The following GSAP variants were observed in gnomAD, a reference collection of about 807,000 sequenced individuals.
The protein encoded by GSAP is gamma-secretase-activating protein.
In GSAP, 118 loss-of-function variants were observed where a neutral mutation model predicts 131.7. The ratio of observed to expected loss-of-function variants is 0.90; its 90% CI spans 0.77 to 1.04. The LOEUF (loss-of-function observed/expected upper bound fraction) is 1.04. GSAP is among the 50% of genes least tolerant of loss of function. The pLI is 0.00. For missense variants in GSAP, 1,019 were observed against 1,013.2 expected (o/e 1.01, Z -0.08); for synonymous variants, 381 against 363.4 (o/e 1.05, Z -0.55).
At chr7:77,321,897 GTCC>G (rs1457834016) in intron 24 of GSAP, among the ~76,000 whole-genome samples, 1 of 152,202 alleles carries the variant, frequency 6.6e-6, no homozygotes, top group Non-Finnish European at 1.5e-5. Flanking sequence ...AAATTGCAGT[GTCC>G]TCATCTGTAA....
rs778317248 is a variant in GSAP at position 77,397,303 on chromosome 7, TG to T, written c.313+42del. The T allele has an allele frequency of 5.3e-6, 6 of 1,132,598 alleles. No individual in the cohort carries two copies. The Admixed American group carries it at 6.2e-5, about 12-fold the overall frequency. 70.2% of individuals were successfully genotyped at this position (1,132,598 alleles called of 1,614,324 possible). ...CTAATACTTTGAAACTCTTGAAAGATGTAGTTCAGTTCTTGACATGTAGCAA... is the reference window on the plus strand; with the variant it reads ...CTAATACTTTGAAACTCTTGAAAGATTAGTTCAGTTCTTGACATGTAGCAA... On this transcript the variant is annotated intron_variant, in intron 4 of 30. Transcript: ENST00000257626.
intron 6 of GSAP, among the ~76,000 whole-genome samples, chr7:77,386,016 A>G (rs1331430850): frequency 6.6e-6 from 1 of 152,158 alleles, no homozygotes; most frequent in African/African-American, 2.4e-5. Context: ...CTGTAAAGTC[A>G]CCACAAATGT....
At chr7:77,396,300 A>C (rs1158355641) in intron 5 of GSAP, among the ~76,000 whole-genome samples, 1 of 152,118 alleles carries the variant, frequency 6.6e-6, no homozygotes, top group Non-Finnish European at 1.5e-5. Flanking sequence ...TTTTTCTTAC[A>C]TTCAATCTGC....
intron 14 of GSAP, among the ~76,000 whole-genome samples, chr7:77,357,579 G>A (rs1028889202): frequency 1.3e-5 from 2 of 151,796 alleles, no homozygotes; most frequent in Non-Finnish European, 2.9e-5. Context: ...GGAAGAAGAA[G>A]AATTGCCTTG....
At chr7:77,365,106 G>C (rs955361506) in intron 12 of GSAP, among the ~76,000 whole-genome samples, 3 of 152,032 alleles carry the variant, frequency 2.0e-5, no homozygotes, top group Non-Finnish European at 2.9e-5. Flanking sequence ...GACTACATGT[G>C]TGCCTGGCTA....
intron 7 of GSAP, among the ~76,000 whole-genome samples, chr7:77,382,171 T>C (rs1282038159): frequency 2.0e-5 from 3 of 151,958 alleles, no homozygotes; most frequent in African/African-American, 7.3e-5. Context: ...AGTTCTGCCA[T>C]GGGATTCTTC....
intron 12 of GSAP, among the ~76,000 whole-genome samples, chr7:77,363,685 A>G (rs1372309903): frequency 3.3e-5 from 5 of 152,248 alleles, no homozygotes; most frequent in Non-Finnish European, 7.3e-5. Context: ...TGACTTTTTA[A>G]TGACATTTAA....
intron 14 of GSAP, among the ~76,000 whole-genome samples, chr7:77,358,848 T>C (rs1372882586): frequency 6.6e-6 from 1 of 152,134 alleles, no homozygotes; most frequent in East Asian, 1.9e-4. Context: ...AAAGTTTTAG[T>C]TGAAATAAAA....
chr7:77,349,752 G>C (rs1792497899), intron 18 of GSAP, among the ~76,000 whole-genome samples: 1 of 152,094 alleles, frequency 6.6e-6, no homozygotes, highest in Admixed American at 6.5e-5. Context: ...ACGATAAAGG[G>C]GAAATGTTTC....
chr7:77,357,289 T>TGATG (rs1452475558), intron 14 of GSAP, among the ~76,000 whole-genome samples: 1 of 152,170 alleles, frequency 6.6e-6, no homozygotes, highest in Non-Finnish European at 1.5e-5. Flanking sequence ...GTAGGCTGAA[T>TGATG]GATGGCTCCT....
intron 5 of GSAP, among the ~76,000 whole-genome samples, chr7:77,387,970 C>G (rs1184635729): frequency 6.6e-6 from 1 of 152,224 alleles, no homozygotes; most frequent in African/African-American, 2.4e-5. Flanking sequence ...TAATGGATAT[C>G]ATTTTTCCCA....
At chr7:77,328,412 C>T (rs1056976403) in intron 22 of GSAP, 194 bp downstream of exon 22, 24 of 1,296,222 alleles carry the variant, frequency 1.9e-5, no homozygotes, top group Non-Finnish European at 2.1e-5. Flanking sequence ...CAGCAGCTGT[C>T]CCCGGAGGTC....
chr7:77,348,427 C>T (rs984837369), intron 19 of GSAP, among the ~76,000 whole-genome samples: 1 of 152,030 alleles, frequency 6.6e-6, no homozygotes, highest in African/African-American at 2.4e-5. Flanking sequence ...ACTAACCTGG[C>T]CCCCGATCTA....
chr7:77,402,411 AAT>A lies in GSAP; in HGVS notation c.243+2146_243+2147del, dbSNP rs1554435131. Among the ~76,000 whole-genome samples the A allele has an allele frequency of 6.2e-3, 851 of 136,174 alleles. 32 individuals are homozygous for A. In the East Asian group the frequency reaches 0.12, roughly 19 times the overall value. 89.3% of individuals were successfully genotyped at this position (136,174 alleles called of 152,430 possible). ...AAAAAAAAAGAAAAAAGAAAAAAAAAATATATATATATACACACACACAGAAA... is the reference window on the plus strand; with the variant it reads ...AAAAAAAAAGAAAAAAGAAAAAAAAAATATATATATACACACACACAGAAA... On this transcript the variant is annotated intron_variant, in intron 3 of 30. Transcript: ENST00000257626.
intron 24 of GSAP, among the ~76,000 whole-genome samples, chr7:77,321,885 C>T (rs1037034808): frequency 1.4e-4 from 22 of 152,210 alleles, no homozygotes; most frequent in African/African-American, 5.1e-4. Context: ...CCCACCCTCT[C>T]CAAATTGCAG....
chr7:77,349,265 A>G lies in GSAP; in HGVS notation c.1545+86T>C, dbSNP rs541235585. The stretch of plus-strand genomic sequence containing the variant: ...GCCCTCCCCTCCCCTGCCAATTTGC[A>G]ATCCCTTTTGGAACCACCATAATAC... On this transcript the variant is annotated intron_variant, in intron 19 of 30. Coordinates refer to ENST00000257626, the MANE Select transcript of GSAP (RefSeq NM_017439.4). 5.2e-5 allele frequency: 56 copies of G among 1,079,630 alleles called. 1 individual carries two copies. The Middle Eastern group carries it at 6.0e-4, about 12-fold the overall frequency. 66.9% of individuals were successfully genotyped at this position (1,079,630 alleles called of 1,614,324 possible).
At position 77,382,609 on chromosome 7, in the gene GSAP, G is replaced by A; in HGVS notation, c.491C>T (p.Pro164Leu). 6.4e-7 allele frequency: 1 copy of A among 1,570,892 alleles called. No homozygotes were observed. Among genetic ancestry groups the A allele is most frequent in the Non-Finnish European group, 8.8e-7 (1 of 1,140,860 alleles). Residue 164 changes from proline (P) to leucine (L), a missense_variant, in exon 7 of 31, where the codon CCA becomes CTA. Coordinates refer to ENST00000257626, the MANE Select transcript of GSAP (RefSeq NM_017439.4). ...LYPHIESHPL[P>L]ENHLLLISEE... ...TGAAATCAGTAACAGATGGTTCTCTGGAAGAGGATGACTTTCAATATGTGG... is the reference window on the plus strand; with the variant it reads ...TGAAATCAGTAACAGATGGTTCTCTAGAAGAGGATGACTTTCAATATGTGG...
chr7:77,416,383 G>A (rs556421178), upstream of GSAP: 512 of 895,886 alleles, frequency 5.7e-4, 1 homozygote, highest in African/African-American at 6.1e-3. Context: ...CCGGCCCCGC[G>A]TGGCCGCCTC....
At chr7:77,359,241 A>G (rs143634428) in intron 14 of GSAP, among the ~76,000 whole-genome samples, 1 of 152,286 alleles carries the variant, frequency 6.6e-6, no homozygotes, top group East Asian at 1.9e-4. Flanking sequence ...TGTCCCTTAT[A>G]AAAGACACTG....
Sources: gnomAD v4.1 joint callset for allele counts (sites outside exome capture counted in the v4.1 genomes callset) on GRCh38, gnomAD v4.1.1 for gene constraint, MANE v1.5 for transcripts, NCBI Gene and HGNC (gene_info 2026-07-23, HGNC 2026-07-21) for gene names.